CLUH: variants seen among roughly 807,000 people sequenced by gnomAD.
The protein encoded by CLUH is CLUH binding protein of NUMT mRNA, also known as clustered mitochondria protein homolog.
CLUH carries 77 observed loss-of-function variants against 139.3 expected under a neutral mutation model. The ratio of observed to expected loss-of-function variants is 0.55; its 90% CI spans 0.46 to 0.67. CLUH has a LOEUF of 0.67. Ranked by LOEUF, CLUH falls within the 30% of genes least tolerant of loss-of-function variation. The pLI is 0.00. For synonymous variants in CLUH, 999 were observed against 801.6 expected (o/e 1.25, Z -4.16); for missense variants, 1,876 against 1,875.8 (o/e 1.00, Z 0.00).
At chr17:2,701,584 C>A in intron 5 of CLUH, 29 bp downstream of exon 5, 5 of 1,610,016 alleles carry the variant, frequency 3.1e-6, no homozygotes, top group Non-Finnish European at 4.2e-6. Context: ...CCGCCAGGGA[C>A]CCTCTTCCTC....
intron 19 of CLUH, among the ~76,000 whole-genome samples, chr17:2,693,181 A>C (rs1211653441): frequency 7.7e-6 from 1 of 129,376 alleles, no homozygotes; most frequent in Admixed American, 8.0e-5. Flanking sequence ...GGGTCCCTTG[A>C]GGTCAGGAGT....
At chr17:2,700,871 A>C (rs2070152873) in intron 7 of CLUH, 46 bp from the exon 8 acceptor site, 1 of 1,506,010 alleles carries the variant, frequency 6.6e-7, no homozygotes, top group East Asian at 2.3e-5. Flanking sequence ...CACCAAGCTC[A>C]GAGCCCTTCC....
chr17:2,691,982 CCGCCA>C lies in CLUH; in HGVS notation c.3654+17_3654+21del, dbSNP rs371974984. 255,295 of 715,480 alleles carry C rather than the reference CCGCCA, an allele frequency of 0.36. 41,122 individuals are homozygous for C. Among genetic ancestry groups the C allele is most frequent in the East Asian group, 0.55 (7,987 of 14,434 alleles). The allele number at this position is 715,480 out of a possible 1,614,324, so 44.3% of individuals were successfully genotyped here. On this transcript the variant is annotated intron_variant, in intron 23 of 25. Coordinates refer to ENST00000651024, the MANE Select transcript of CLUH (RefSeq NM_001366661.1). ...CCACGCCCCCGCCCCGCCCCCGCCC[CCGCCA>C]CGCCCCCGCCGCGCACCTGCGTCTT...
In CLUH at chr17:2,704,678, G is replaced by A; in HGVS notation, c.101-114C>T. On this transcript the variant is annotated intron_variant, in intron 1 of 25. Transcript: ENST00000651024. The surrounding 1 kb of genome is among the most constrained non-coding windows in gnomAD (Gnocchi z 5.7). The stretch of plus-strand genomic sequence containing the variant: ...TGGAAAGGCATCTGCATGCCCTCGA[G>A]AGTCCCAGCCTCACGGTCGCGCCTC... 1 of 1,035,610 alleles carries A rather than the reference G, an allele frequency of 9.7e-7. No individual in the cohort carries two copies. Among genetic ancestry groups the A allele is most frequent in the Middle Eastern group, 3.2e-4 (1 of 3,164 alleles). The allele number at this position is 1,035,610 out of a possible 1,614,324, so 64.2% of individuals were successfully genotyped here.
Position 2,689,677 on chromosome 17 carries a change from GC to G in CLUH, c.*916del. ...GGTGGAGCGGGAGCAGCGTGTGGGG[GC>G]CCCCGCCACCCCCAGAGCTAGTCTC... On this transcript the variant is annotated 3_prime_UTR_variant, in exon 26 of 26. Coordinates refer to ENST00000651024, the MANE Select transcript of CLUH (RefSeq NM_001366661.1). The G allele has an allele frequency of 6.5e-6, 1 of 153,012 alleles. No individual in the cohort carries two copies. 9.5% of individuals were successfully genotyped at this position (153,012 alleles called of 1,614,324 possible).
Position 2,708,371 on chromosome 17 carries a change from C to A in CLUH, c.100+3191G>T, listed in dbSNP as rs1284230033. Among the ~76,000 whole-genome samples, 4 of 152,266 alleles carry A rather than the reference C, an allele frequency of 2.6e-5. No homozygotes were observed. In the East Asian group the frequency reaches 7.8e-4, roughly 30 times the overall value. On this transcript the variant is annotated intron_variant, in intron 1 of 25. Transcript: ENST00000651024. ...TAACCCTCCGGAGAGAGGGGTGGGG[C>A]AGGGCAGCCTGGCAGTGACCCCAGA...
Position 2,693,931 on chromosome 17 carries a change from C to T in CLUH, c.3200G>A (p.Arg1067His), listed in dbSNP as rs777344374. ...GTAGTCGCCCATGATGTAGTGGAGGCGGGCGAGGAGGCGCAGGCAGGCGCA... is the reference window on the plus strand; with the variant it reads ...GTAGTCGCCCATGATGTAGTGGAGGTGGGCGAGGAGGCGCAGGCAGGCGCA... ...ETCACLRLLA[R>H]LHYIMGDYAE... is the part of the protein sequence containing the mutation. The change falls in exon 19 of 26, where the codon CGC (arginine) becomes CAC (histidine). Residue 1067 changes from arginine (R) to histidine (H), a missense_variant. By Grantham distance (29) the Arg-to-His change is conservative. Coordinates refer to ENST00000651024, the MANE Select transcript of CLUH (RefSeq NM_001366661.1). 4 of 1,613,384 alleles carry T rather than the reference C, an allele frequency of 2.5e-6. No individual in the cohort carries two copies. Among genetic ancestry groups the T allele is most frequent in the Non-Finnish European group, 3.4e-6 (4 of 1,179,686 alleles).
At chr17:2,705,261 A>G (rs1319585371) in intron 1 of CLUH, among the ~76,000 whole-genome samples, 2 of 151,032 alleles carry the variant, frequency 1.3e-5, no homozygotes, top group African/African-American at 4.9e-5. Context: ...CTCCCAACCC[A>G]CCCACGGGAC....
rs746604038 is a variant in CLUH, at chr17:2,691,987, A to ACGCCCCCGCCCCGCCCCGCCCCGCCCC, written c.3654+16_3654+17insGGGGCGGGGCGGGGCGGGGCGGGGGCG. 1.3e-6 allele frequency: 1 copy of ACGCCCCCGCCCCGCCCCGCCCCGCCCC among 774,598 alleles called. No individual in the cohort carries two copies. Among genetic ancestry groups the ACGCCCCCGCCCCGCCCCGCCCCGCCCC allele is most frequent in the Non-Finnish European group, 1.6e-6 (1 of 626,200 alleles). The allele number at this position is 774,598 out of a possible 1,614,324, so 48.0% of individuals were successfully genotyped here. ...CCCCCGCCCCGCCCCCGCCCCCGCC[A>ACGCCCCCGCCCCGCCCCGCCCCGCCCC]CGCCCCCGCCGCGCACCTGCGTCTT... On this transcript the variant is annotated intron_variant, in intron 23 of 25. Transcript: ENST00000651024.
In CLUH at chr17:2,697,991, C is replaced by A; in HGVS notation, c.1866G>T (p.Leu622=). 6.3e-7 allele frequency: 1 copy of A among 1,594,484 alleles called. No homozygotes were observed. ...LNFLPVPGEE[L]PEECARAGFP... ...AGCCGGCGCGGGCGCATTCCTCAGG[C>A]AGCTCCTCGCCAGGCACGGGCAGGA... The change falls in exon 10 of 26, where the codon CTG becomes CTT. Residue 622 remains leucine (L), a synonymous_variant. Coordinates refer to ENST00000651024, the MANE Select transcript of CLUH (RefSeq NM_001366661.1).
At chr17:2,702,084 C>A in intron 3 of CLUH, 27 bp from the exon 4 acceptor site, 1 of 1,609,152 alleles carries the variant, frequency 6.2e-7, no homozygotes, top group Non-Finnish European at 8.5e-7. Context: ...GAGGGTATGG[C>A]GTTACCAGGG....
Position 2,690,460 on chromosome 17 carries a change from A to G in CLUH, c.*134T>C, listed in dbSNP as rs1275681619. On this transcript the variant is annotated 3_prime_UTR_variant, in exon 26 of 26. Coordinates refer to ENST00000651024, the MANE Select transcript of CLUH (RefSeq NM_001366661.1). Reference sequence around the variant, plus strand: ...AGGCAGGCCAGGCTCCCAGGAGGACACGGGGGTGGGGTGGGGTGAGACGTG... The same window carrying G: ...AGGCAGGCCAGGCTCCCAGGAGGACGCGGGGGTGGGGTGGGGTGAGACGTG... 8.0e-6 allele frequency: 6 copies of G among 753,510 alleles called. No individual in the cohort carries two copies. The highest frequency in any genetic ancestry group is 1.2e-5 in the Non-Finnish European group (6 of 521,586). The allele number at this position is 753,510 out of a possible 1,614,324, so 46.7% of individuals were successfully genotyped here.
At chr17:2,694,770 A>G (rs2069863836) in intron 16 of CLUH, 87 bp downstream of exon 16, 2 of 1,444,074 alleles carry the variant, frequency 1.4e-6, no homozygotes, top group Non-Finnish European at 1.8e-6. Flanking sequence ...GCCTATGACC[A>G]CAGGCCTTAG....
intron 10 of CLUH, 102 bp from the exon 11 acceptor site, chr17:2,697,044 T>C (rs2069976372): frequency 4.7e-6 from 4 of 854,826 alleles, no homozygotes; most frequent in African/African-American, 1.7e-5. Context: ...CCCGCAGGCA[T>C]AGGGCACCTC....
At chr17:2,692,897 AC>A in intron 19 of CLUH, 37 bp from the exon 20 acceptor site, 2 of 1,524,792 alleles carry the variant, frequency 1.3e-6, no homozygotes, top group Non-Finnish European at 8.8e-7. Context: ...CGGCGTGGGA[AC>A]CCCCACTGCA....
chr17:2,704,317 C>G lies in CLUH; in HGVS notation c.303+45G>C, dbSNP rs768665529. On this transcript the variant is annotated intron_variant, in intron 2 of 25. Coordinates refer to ENST00000651024, the MANE Select transcript of CLUH (RefSeq NM_001366661.1). This position sits in a 1 kb window ranked among gnomAD's most constrained non-coding sequence, Gnocchi z 5.7. ...GCTGAGCTTTCCAGCTCACCCTCCC[C>G]AGCAGGCTCAGGCCTGGCCCCCAGC... is the stretch of plus-strand genomic sequence containing the variant. 2 of 1,573,544 alleles carry G rather than the reference C, an allele frequency of 1.3e-6. No homozygotes were observed. The highest frequency in any genetic ancestry group is 1.8e-5 in the Admixed American group (1 of 55,994).
intron 25 of CLUH, 140 bp from the exon 26 acceptor site, chr17:2,690,917 G>T: frequency 1.6e-6 from 1 of 611,454 alleles, no homozygotes; most frequent in Non-Finnish European, 2.4e-6. Context: ...CTTCCCTCCT[G>T]AAGGCGGAAG....
At position 2,698,478 on chromosome 17, in the gene CLUH, T is replaced by C; in HGVS notation, c.1379A>G (p.Asn460Ser). The part of the protein sequence containing the change: ...EETKMQMFIW[N>S]NIFFSLGFDV... ...GAAGCCCAGGCTGAAGAAGATGTTG[T>C]TCCAGATGAACATCTGCATCTTGGT... The change falls in exon 10 of 26, where the codon AAC becomes AGC. Residue 460 changes from asparagine (N) to serine (S), a missense_variant. By Grantham distance (46) the Asn-to-Ser change is conservative. Around this residue, in one of 3 missense-constraint regions of CLUH, gnomAD observed 1,454 missense variants for 1,384.4 expected, o/e 1.05. Coordinates refer to ENST00000651024, the MANE Select transcript of CLUH (RefSeq NM_001366661.1). The C allele has an allele frequency of 2.5e-6, 4 of 1,613,228 alleles. No homozygotes were observed. The highest frequency in any genetic ancestry group is 3.4e-6 in the Non-Finnish European group (4 of 1,179,790).
rs79642180 is a variant in CLUH, at chr17:2,701,854, C to G, written c.619+60G>C. 5.6e-3 allele frequency: 8,907 copies of G among 1,603,744 alleles called. 442 individuals are homozygous for G. The African/African-American group carries it at 0.11, about 19-fold the overall frequency. On this transcript the variant is annotated intron_variant, in intron 4 of 25. Transcript: ENST00000651024. ...CCAGGCCCCTCGGCCCCTTCTCCAG[C>G]CCCCCACCTCCGTGCTCCCCGCCCT...
Sources: gnomAD v4.1 joint callset for allele counts (sites outside exome capture counted in the v4.1 genomes callset) on GRCh38, gnomAD v4.1.1 for gene constraint, gnomAD v4.1.1 regional missense constraint, Gnocchi (gnomAD v3.1) non-coding constraint, MANE v1.5 for transcripts, NCBI Gene and HGNC (gene_info 2026-07-23, HGNC 2026-07-21) for gene names.